The following GLMN variants were observed in gnomAD, a reference collection of about 807,000 sequenced individuals.
GLMN encodes glomulin.
GLMN carries 75 observed loss-of-function variants against 87.8 expected under a neutral mutation model. The observed-to-expected ratio is 0.85, with a 90% confidence interval of 0.71 to 1.04. GLMN has a LOEUF of 1.04. Ranked by LOEUF, GLMN falls within the 50% of genes least tolerant of loss-of-function variation. The probability of loss-of-function intolerance (pLI) is 0.00; values close to 1 mark genes in which losing one functional copy is unlikely to be tolerated. For synonymous variants in GLMN, 206 were observed against 221.6 expected, an observed-to-expected ratio of 0.93 and a Z score of 0.63; for missense variants, 588 against 658.8, an observed-to-expected ratio of 0.89 and a Z score of 1.18.
the GLMN span, among the ~76,000 whole-genome samples, chr1:92,357,214 C>T: frequency 6.6e-6 from 1 of 152,106 alleles, no homozygotes; most frequent in African/African-American, 2.4e-5. Context: ...CCCTCAAACA[C>T]TTTACAGCCT....
At chr1:92,328,122 A>G in the GLMN span, among the ~76,000 whole-genome samples, 2 of 152,170 alleles carry the variant, frequency 1.3e-5, no homozygotes, top group African/African-American at 4.8e-5. Flanking sequence ...TAACCTGATG[A>G]CTATGTGCCG....
chr1:92,260,765 G>GAAAAAAAA lies in GLMN; in HGVS notation c.1473+2090_1473+2097dup, dbSNP rs765865353. Reference sequence around the variant, plus strand: ...AGTGAGACACTGTCTCTTTGAGATGGAAAAAAAAAAAAAAAAAAAAAGGCA... The same window carrying GAAAAAAAA: ...AGTGAGACACTGTCTCTTTGAGATGGAAAAAAAAAAAAAAAAAAAAAAAAAAAAAGGCA... On this transcript the variant is annotated intron_variant, in intron 16 of 18. Coordinates refer to ENST00000370360, the MANE Select transcript of GLMN (RefSeq NM_053274.3). Among the ~76,000 whole-genome samples, 4 of 100,078 alleles carry GAAAAAAAA rather than the reference G, an allele frequency of 4.0e-5. 2 individuals carry two copies. Among genetic ancestry groups the GAAAAAAAA allele is most frequent in the African/African-American group, 7.6e-5 (2 of 26,476 alleles). The allele number at this position is 100,078 out of a possible 152,430, so 65.7% of individuals were successfully genotyped here. A position where few individuals can be genotyped will look rare whatever the true frequency, so the allele number is the denominator to read the frequency against.
the GLMN span, among the ~76,000 whole-genome samples, chr1:92,312,261 T>C: frequency 6.6e-6 from 1 of 151,930 alleles, no homozygotes; most frequent in African/African-American, 2.4e-5. Context: ...ATTTAAAAAA[T>C]AAAAAATTAG....
chr1:92,333,403 T>C, the GLMN span: 3 of 1,612,994 alleles, frequency 1.9e-6, no homozygotes, highest in Non-Finnish European at 1.7e-6. Context: ...TGATTCCACC[T>C]TTCCACTGAT....
rs371115563 is a variant in GLMN, at chr1:92,290,218, A to C, written c.374T>G (p.Leu125Trp). ...ATTACCTGTTTGTAATGGCTGAAGC[A>C]AAAGAAGAATACTTTGGGATATCTG... ...GKQISQSILLLLQPLQTVIQK... is the reference protein window; with the variant it reads ...GKQISQSILLWLQPLQTVIQK... Residue 125 changes from leucine (L) to tryptophan (W), a missense_variant, in exon 5 of 19, where the codon TTG becomes TGG. Physicochemically the swap from Leu to Trp is moderately conservative, Grantham distance 61. Transcript: ENST00000370360. 4 of 1,599,304 alleles carry C rather than the reference A, an allele frequency of 2.5e-6. No individual in the cohort carries two copies. Among genetic ancestry groups the C allele is most frequent in the Non-Finnish European group, 3.4e-6 (4 of 1,166,930 alleles).
chr1:92,248,046 T>G (rs1163920600), intron 16 of GLMN, 57 bp from the exon 17 acceptor site: 1 of 787,832 alleles, frequency 1.3e-6, no homozygotes, highest in African/African-American at 1.7e-5. Context: ...TGCCTACTAT[T>G]AAACGCGATA....
At chr1:92,277,541 A>G (rs1164136080) in intron 7 of GLMN, among the ~76,000 whole-genome samples, 1 of 152,208 alleles carries the variant, frequency 6.6e-6, no homozygotes, top group Non-Finnish European at 1.5e-5. Flanking sequence ...TGGACCTTTC[A>G]GTCCCACAGC....
At chr1:92,251,009 A>G (rs980736148) in intron 16 of GLMN, among the ~76,000 whole-genome samples, 5 of 152,200 alleles carry the variant, frequency 3.3e-5, no homozygotes, top group Non-Finnish European at 1.5e-5. Context: ...TCCAGCAACC[A>G]GCAATCTGAT....
chr1:92,292,732 C>CTTTTTTT (rs1177905555), intron 3 of GLMN, among the ~76,000 whole-genome samples: 2 of 119,674 alleles, frequency 1.7e-5, no homozygotes, highest in African/African-American at 6.4e-5. Context: ...CTTTTCTTTT[C>CTTTTTTT]TTTTTTTTTT....
At chr1:92,246,793 G>A in intron 18 of GLMN, 147 bp from the exon 19 acceptor site, 1 of 704,798 alleles carries the variant, frequency 1.4e-6, no homozygotes, top group Non-Finnish European at 2.6e-6. Flanking sequence ...TGCTTTGGGA[G>A]GCTGAGCTGA....
the GLMN span, among the ~76,000 whole-genome samples, chr1:92,306,000 G>A: frequency 6.6e-6 from 1 of 151,956 alleles, no homozygotes; most frequent in Non-Finnish European, 1.5e-5. Flanking sequence ...GTTTATAGCT[G>A]GATAAACAAT....
chr1:92,269,901 G>C, intron 8 of GLMN, 125 bp from the exon 9 acceptor site: 1 of 672,604 alleles, frequency 1.5e-6, no homozygotes. Flanking sequence ...CTAACCTCTA[G>C]TACCTCAGAA....
rs374524087 is a variant in GLMN at position 92,268,101 on chromosome 1, T to C, written c.1008+4A>G. 4.1e-6 allele frequency: 6 copies of C among 1,461,502 alleles called. No individual in the cohort carries two copies. Among genetic ancestry groups the C allele is most frequent in the Non-Finnish European group, 5.8e-6 (6 of 1,041,626 alleles). 90.5% of individuals were successfully genotyped at this position (1,461,502 alleles called of 1,614,324 possible). A position where few individuals can be genotyped will look rare whatever the true frequency, so the allele number is the denominator to read the frequency against. Reference sequence around the variant, plus strand: ...TTAAGTTATAATGGGAACAAACATCTTACCAATCCTTTGGAGATAACAGAC... The same window carrying C: ...TTAAGTTATAATGGGAACAAACATCCTACCAATCCTTTGGAGATAACAGAC... On this transcript the variant is annotated splice_donor_region_variant and intron_variant, in intron 10 of 18. Transcript: ENST00000370360.
the GLMN span, chr1:92,345,971 G>A: frequency 8.2e-7 from 1 of 1,225,016 alleles, no homozygotes; most frequent in Non-Finnish European, 1.2e-6. Context: ...TATTGATTAG[G>A]GAAAAACAAA....
rs764563630 is a variant in GLMN at position 92,264,582 on chromosome 1, A to G, written c.1271T>C (p.Ile424Thr). The change falls in exon 14 of 19, where the codon ATC becomes ACC. Residue 424 changes from isoleucine to threonine, a missense_variant. Coordinates refer to ENST00000370360, the MANE Select transcript of GLMN (RefSeq NM_053274.3). ...SGVEAFIIQN[I>T]KNQIDMSLKR... ...TAATGACATGTCAATTTGATTTTTG[A>G]TATTTTGAATAATAAAAGCCTCCAC... The G allele has an allele frequency of 6.3e-6, 10 of 1,584,916 alleles. No individual in the cohort carries two copies. Among genetic ancestry groups the G allele is most frequent in the African/African-American group, 2.7e-5 (2 of 74,370 alleles).
At chr1:92,293,962 G>A (rs1173660114) in intron 3 of GLMN, among the ~76,000 whole-genome samples, 1 of 151,194 alleles carries the variant, frequency 6.6e-6, no homozygotes, top group Non-Finnish European at 1.5e-5. Context: ...GCTGAAAATG[G>A]TAGTGGGAGG....
chr1:92,330,427 T>C, the GLMN span, among the ~76,000 whole-genome samples: 10 of 151,190 alleles, frequency 6.6e-5, no homozygotes, highest in East Asian at 2.0e-3. Flanking sequence ...TGATTTTCTT[T>C]GTGGGTTGTC....
Position 92,286,489 on chromosome 1 carries a change from C to G in GLMN, c.735+1G>C. On this transcript the variant is annotated splice_donor_variant, in intron 7 of 18. Transcript: ENST00000370360. LOFTEE classifies it high-confidence loss of function. ...TAGCAGATTAAATTAGCTGTACTTA[C>G]TATTATTTCTGATGCAAAATACCTG... 1 of 1,392,680 alleles carries G rather than the reference C, an allele frequency of 7.2e-7. No homozygotes were observed. Among genetic ancestry groups the G allele is most frequent in the South Asian group, 1.2e-5 (1 of 86,768 alleles). 86.3% of individuals were successfully genotyped at this position (1,392,680 alleles called of 1,614,324 possible).
intron 16 of GLMN, among the ~76,000 whole-genome samples, chr1:92,254,483 G>C (rs577588104): frequency 6.6e-6 from 1 of 152,266 alleles, no homozygotes; most frequent in South Asian, 2.1e-4. Context: ...CACCAAGGTT[G>C]AAATGAAGGA....
Sources: gnomAD v4.1 joint callset for allele counts (sites outside exome capture counted in the v4.1 genomes callset) on GRCh38, gnomAD v4.1.1 for gene constraint, MANE v1.5 for transcripts, NCBI Gene and HGNC (gene_info 2026-07-23, HGNC 2026-07-21) for gene names.